The following CWH43 variants were observed in gnomAD, a reference collection of about 807,000 sequenced individuals.
CWH43 encodes PGAP2-interacting protein.
A neutral mutation model predicts 85.7 loss-of-function variants in CWH43; 91 were observed. That is an observed-to-expected ratio of 1.06 (90% confidence interval 0.90 to 1.26). CWH43 has a LOEUF of 1.26. Among genes scored for constraint, CWH43 ranks in the 50% most tolerant of loss-of-function variants. The pLI is 0.00. For synonymous variants in CWH43, 323 were observed against 293.6 expected, an observed-to-expected ratio of 1.10 and a Z score of -1.02; for missense variants, 869 against 839.2, an observed-to-expected ratio of 1.04 and a Z score of -0.44.
intron 6 of CWH43, among the ~76,000 whole-genome samples, chr4:49,000,902 T>A (rs1782969040): frequency 6.6e-6 from 1 of 152,190 alleles, no homozygotes; most frequent in Admixed American, 6.6e-5. Flanking sequence ...AGCAGGGCCA[T>A]AATTCACCAG....
At chr4:49,017,222 A>G (rs755326296) in intron 8 of CWH43, 27 bp from the exon 9 acceptor site, 1 of 1,574,266 alleles carries the variant, frequency 6.4e-7, no homozygotes, top group South Asian at 1.2e-5. Context: ...TTTTAAAAAA[A>G]CCCAATTATT....
rs1217668267 is a variant in CWH43, at chr4:48,998,765, C to T, written c.802+217C>T. On this transcript the variant is annotated intron_variant, in intron 6 of 15. Coordinates refer to ENST00000226432, the MANE Select transcript of CWH43 (RefSeq NM_025087.3). The stretch of plus-strand genomic sequence containing the variant: ...CTTCCTCCTACCTCCGCCTCCCCCT[C>T]CTCCTGTGGCTGTGCTGCTTTCCTG... Among the ~76,000 whole-genome samples, 5 of 152,272 alleles carry T rather than the reference C, an allele frequency of 3.3e-5. No homozygotes were observed. The East Asian group carries it at 9.6e-4, about 29-fold the overall frequency.
intron 13 of CWH43, among the ~76,000 whole-genome samples, 188 bp from the exon 14 acceptor site, chr4:49,044,598 C>G (rs1784564141): frequency 6.6e-6 from 1 of 152,114 alleles, no homozygotes; most frequent in African/African-American, 2.4e-5. Flanking sequence ...GATAGGCGCA[C>G]AGTAGGTGCT....
chr4:49,015,495 G>A (rs1298099503), intron 8 of CWH43, among the ~76,000 whole-genome samples: 8 of 151,966 alleles, frequency 5.3e-5, no homozygotes, highest in Non-Finnish European at 1.0e-4. Flanking sequence ...TTGGTGTTCC[G>A]TAGTTTCACT....
intron 15 of CWH43, among the ~76,000 whole-genome samples, chr4:49,051,839 A>G (rs1389056207): frequency 2.6e-5 from 4 of 152,134 alleles, no homozygotes. Context: ...TGCCTCCCAA[A>G]GGGCTGGGAT....
chr4:49,006,328 A>G (rs1050182161), intron 7 of CWH43, among the ~76,000 whole-genome samples: 5 of 152,184 alleles, frequency 3.3e-5, no homozygotes, highest in Non-Finnish European at 1.5e-5. Flanking sequence ...TCATACAACT[A>G]AGAACTTTAA....
chr4:48,989,369 C>T (rs1305078709), intron 2 of CWH43, among the ~76,000 whole-genome samples: 1 of 152,150 alleles, frequency 6.6e-6, no homozygotes. Context: ...TCATACATTG[C>T]TTGTGCGAGT....
chr4:49,052,476 T>C (rs1784829277), intron 15 of CWH43, among the ~76,000 whole-genome samples: 1 of 152,216 alleles, frequency 6.6e-6, no homozygotes, highest in South Asian at 2.1e-4. Context: ...GCAACATTAG[T>C]ATTTGCAGTA....
intron 15 of CWH43, among the ~76,000 whole-genome samples, chr4:49,057,993 C>A (rs1785020234): frequency 6.6e-6 from 1 of 152,132 alleles, no homozygotes; most frequent in Non-Finnish European, 1.5e-5. Flanking sequence ...CTATGTATAT[C>A]CTCAAAGCTA....
rs749457329 is a variant in CWH43 at position 49,032,671 on chromosome 4, G to A, written c.1614G>A (p.Ser538=). The part of the protein sequence containing the change: ...APAITLTVNI[S]GKLVDFVVTH... ...CCATCACATTGACCGTTAACATTTC[G>A]GGCAAGCTGGTGGATTTTGTCGTGA... The change falls in exon 12 of 16, where the codon TCG becomes TCA. Residue 538 remains serine, a synonymous_variant. Transcript: ENST00000226432. 38 of 1,613,902 alleles carry A rather than the reference G, an allele frequency of 2.4e-5. No individual in the cohort carries two copies. Among genetic ancestry groups the A allele is most frequent in the African/African-American group, 9.3e-5 (7 of 74,884 alleles).
intron 13 of CWH43, among the ~76,000 whole-genome samples, chr4:49,043,359 A>G (rs1289745716): frequency 6.6e-6 from 1 of 152,166 alleles, no homozygotes; most frequent in Non-Finnish European, 1.5e-5. Flanking sequence ...TAAAAATGGC[A>G]TCCTAATAGG....
At chr4:49,013,405 G>A (rs985136111) in intron 8 of CWH43, among the ~76,000 whole-genome samples, 2 of 152,218 alleles carry the variant, frequency 1.3e-5, no homozygotes, top group African/African-American at 4.8e-5. Flanking sequence ...GTCATGGCTT[G>A]CCTTGGCTAG....
chr4:49,002,223 T>A (rs976759464), intron 6 of CWH43, among the ~76,000 whole-genome samples: 16 of 152,076 alleles, frequency 1.1e-4, no homozygotes, highest in African/African-American at 3.9e-4. Flanking sequence ...ATAGGTAATG[T>A]GGTAAGGGAT....
intron 14 of CWH43, among the ~76,000 whole-genome samples, 192 bp from the exon 15 acceptor site, chr4:49,050,502 T>C (rs187990313): frequency 3.5e-4 from 53 of 152,294 alleles, no homozygotes; most frequent in African/African-American, 1.2e-3. Flanking sequence ...TACATATTCT[T>C]TATTCATTTA....
intron 13 of CWH43, among the ~76,000 whole-genome samples, chr4:49,040,164 G>A (rs1304447909): frequency 6.6e-6 from 1 of 152,128 alleles, no homozygotes; most frequent in Non-Finnish European, 1.5e-5. Flanking sequence ...ATTTGGGTTG[G>A]TTCCAAGTCT....
At chr4:48,988,796 C>A in intron 2 of CWH43, 128 bp downstream of exon 2, 2 of 628,146 alleles carry the variant, frequency 3.2e-6, no homozygotes, top group East Asian at 3.0e-5. Context: ...TTCCTTACCA[C>A]TGCCTTAGAA....
At chr4:49,044,765 C>T in intron 13 of CWH43, 21 bp from the exon 14 acceptor site, 1 of 1,600,822 alleles carries the variant, frequency 6.2e-7, no homozygotes, top group Non-Finnish European at 8.5e-7. Flanking sequence ...TTTAAACATT[C>T]TCCTCTCTGC....
chr4:49,052,104 T>G (rs1784818448), intron 15 of CWH43, among the ~76,000 whole-genome samples: 1 of 152,246 alleles, frequency 6.6e-6, no homozygotes, highest in Non-Finnish European at 1.5e-5. Flanking sequence ...CTCTTTTTCT[T>G]CTTTGTCCCT....
chr4:49,030,197 A>C (rs1260793743), intron 10 of CWH43, among the ~76,000 whole-genome samples: 1 of 152,208 alleles, frequency 6.6e-6, no homozygotes, highest in East Asian at 1.9e-4. Context: ...TTTTGTGTGA[A>C]GCATCTTTGA....
Sources: allele counts gnomAD v4.1 joint callset (sites outside exome capture counted in the v4.1 genomes callset), GRCh38; gene constraint gnomAD v4.1.1; transcripts MANE v1.5; gene names NCBI Gene and HGNC (gene_info 2026-07-23, HGNC 2026-07-21).